The following ZFYVE16 variants were observed in gnomAD, a reference collection of about 807,000 sequenced individuals.
The protein encoded by ZFYVE16 is zinc finger FYVE-type containing 16.
In ZFYVE16, 89 loss-of-function variants were observed where a neutral mutation model predicts 138.1. The ratio of observed to expected loss-of-function variants is 0.64; its 90% confidence interval spans 0.54 to 0.77. ZFYVE16 has a LOEUF of 0.77. Among genes scored for constraint, ZFYVE16 ranks in the 30% least tolerant of loss-of-function variants. ZFYVE16 has a pLI of 0.00. For missense variants in ZFYVE16, 1,793 were observed against 1,786.7 expected (o/e 1.00, Z -0.06); for synonymous variants, 596 against 618.3 (o/e 0.96, Z 0.53).
intron 3 of ZFYVE16, among the ~76,000 whole-genome samples, chr5:80,434,519 C>T (rs908572741): frequency 6.6e-6 from 1 of 152,116 alleles, no homozygotes; most frequent in African/African-American, 2.4e-5. Flanking sequence ...TTCTGTCTCC[C>T]AGGCTGAAGT....
At chr5:80,414,520 A>G (rs984689105) in intron 1 of ZFYVE16, among the ~76,000 whole-genome samples, 7 of 152,070 alleles carry the variant, frequency 4.6e-5, no homozygotes, top group African/African-American at 1.2e-4. Flanking sequence ...ATGGTCAACC[A>G]TTTTTTTATT....
rs1750046973 is a variant in ZFYVE16, at chr5:80,437,175, T to C, written c.490T>C (p.Leu164=). 1 of 1,613,932 alleles carries C rather than the reference T, an allele frequency of 6.2e-7. No homozygotes were observed. Among genetic ancestry groups the C allele is most frequent in the South Asian group, 1.1e-5 (1 of 91,086 alleles). Residue 164 remains leucine (L), a synonymous_variant, in exon 4 of 19, where the codon TTG becomes CTG. Coordinates refer to ENST00000505560, the MANE Select transcript of ZFYVE16 (RefSeq NM_001284236.3). ...GTCTAATGCAGATTCCTTGATTGGA[T>C]TGGATTTATCTTCAGTGTCAGATAC... is the stretch of plus-strand genomic sequence containing the variant. ...FKSNADSLIG[L]DLSSVSDTPC... is the part of the protein sequence containing the mutation.
chr5:80,445,551 T>C lies in ZFYVE16; in HGVS notation c.2724+146T>C, dbSNP rs954852609. On this transcript the variant is annotated intron_variant, in intron 7 of 18. Transcript: ENST00000505560. Reference sequence around the variant, plus strand: ...GATGTATTGATATAGTGAATATATTTTAGATTTTACCCCCTTTAAAAAAAA... The same window carrying C: ...GATGTATTGATATAGTGAATATATTCTAGATTTTACCCCCTTTAAAAAAAA... 6.8e-6 allele frequency: 5 copies of C among 735,484 alleles called. No homozygotes were observed. The Middle Eastern group carries it at 1.2e-3, about 178-fold the overall frequency. The allele number at this position is 735,484 out of a possible 1,614,324, so 45.6% of individuals were successfully genotyped here. A position where few individuals can be genotyped will look rare whatever the true frequency, so the allele number is the denominator to read the frequency against.
chr5:80,471,187 G>A (rs951473418), intron 15 of ZFYVE16, among the ~76,000 whole-genome samples: 9 of 152,020 alleles, frequency 5.9e-5, no homozygotes, highest in South Asian at 2.1e-4. Flanking sequence ...ATCTTGCCAC[G>A]GCTCTTTTAG....
intron 13 of ZFYVE16, 150 bp downstream of exon 13, chr5:80,456,715 T>A: frequency 1.1e-6 from 1 of 882,240 alleles, no homozygotes; most frequent in Non-Finnish European, 1.7e-6. Flanking sequence ...TTGTTTACTG[T>A]AAATAATCTG....
chr5:80,421,381 C>T lies in ZFYVE16; in HGVS notation c.-93-6111C>T, dbSNP rs182716656. Among the ~76,000 whole-genome samples, 767 of 152,210 alleles carry T rather than the reference C, an allele frequency of 5.0e-3. 2 individuals carry two copies. The highest frequency in any genetic ancestry group is 0.018 in the African/African-American group (736 of 41,548). ...ATGAAGTCCTTGCCCATGCCTATGT[C>T]CTGAATGGTATTGCCTAGGTTTTCT... On this transcript the variant is annotated intron_variant, in intron 1 of 18. Transcript: ENST00000505560.
intron 5 of ZFYVE16, chr5:80,441,035 C>T: frequency 1.0e-6 from 1 of 985,236 alleles, no homozygotes. Context: ...TCCATGTTAC[C>T]ACCATTGTTT....
intron 2 of ZFYVE16, among the ~76,000 whole-genome samples, chr5:80,430,171 T>G (rs1053520443): frequency 6.6e-6 from 1 of 152,188 alleles, no homozygotes. Context: ...TATTCCAAAA[T>G]TGACCACATA....
Position 80,480,745 on chromosome 5 carries a change from A to C in ZFYVE16, c.*3368A>C, listed in dbSNP as rs1755236428. 6.6e-6 allele frequency among the ~76,000 whole-genome samples: 1 copy of C among 152,010 alleles called. No individual in the cohort carries two copies. Among genetic ancestry groups the C allele is most frequent in the Non-Finnish European group, 1.5e-5 (1 of 68,010 alleles). On this transcript the variant is annotated 3_prime_UTR_variant, in exon 19 of 19. Coordinates refer to ENST00000505560, the MANE Select transcript of ZFYVE16 (RefSeq NM_001284236.3). ...AGACCAGAGTGAGCAACACAGGGAG[A>C]CACTGTCTCTGCAAAATTAAAAAAA... is the stretch of plus-strand genomic sequence containing the variant.
intron 15 of ZFYVE16, among the ~76,000 whole-genome samples, chr5:80,465,400 G>GTTTTGTTTT (rs762431523): frequency 1.1e-4 from 3 of 26,780 alleles, no homozygotes; most frequent in African/African-American, 3.1e-4. Context: ...CCTTTTCTTT[G>GTTTTGTTTT]TTTTTTTTTT....
intron 7 of ZFYVE16, 142 bp from the exon 8 acceptor site, chr5:80,447,884 T>A (rs1044827759): frequency 3.0e-6 from 2 of 666,256 alleles, no homozygotes; most frequent in African/African-American, 3.7e-5. Flanking sequence ...CTTGGGAAAT[T>A]TGACTTTAAG....
At chr5:80,410,940 GC>G (rs1007089609) in intron 1 of ZFYVE16, among the ~76,000 whole-genome samples, 3 of 150,846 alleles carry the variant, frequency 2.0e-5, no homozygotes, top group Non-Finnish European at 4.4e-5. Context: ...AAGAGCACAT[GC>G]CTTTTTTTTT....
chr5:80,439,824 A>G (rs1161963039), intron 4 of ZFYVE16, 112 bp from the exon 5 acceptor site: 3 of 635,324 alleles, frequency 4.7e-6, no homozygotes, highest in Non-Finnish European at 7.5e-6. Context: ...AATGATTTAT[A>G]CAATAAGGAA....
At chr5:80,424,280 G>A (rs761762018) in intron 1 of ZFYVE16, among the ~76,000 whole-genome samples, 1 of 152,014 alleles carries the variant, frequency 6.6e-6, no homozygotes, top group Admixed American at 6.6e-5. Flanking sequence ...CAGCTCACAA[G>A]CCTTGCTTGA....
At position 80,427,746 on chromosome 5, in the gene ZFYVE16, G is replaced by A. The variant is rs556138199; in HGVS notation, c.-40+201G>A. On this transcript the variant is annotated intron_variant, in intron 2 of 18. Transcript: ENST00000505560. ...TCCCAGCACTTTGGGAGGCTGAGACGGGCAGAAGACTTGAGGTCATCGAGA... is the reference window on the plus strand; with the variant it reads ...TCCCAGCACTTTGGGAGGCTGAGACAGGCAGAAGACTTGAGGTCATCGAGA... Among the ~76,000 whole-genome samples, 3 of 150,684 alleles carry A rather than the reference G, an allele frequency of 2.0e-5. No individual in the cohort carries two copies. In the East Asian group the frequency reaches 5.9e-4, roughly 29 times the overall value.
chr5:80,471,037 T>G (rs1388014560), intron 15 of ZFYVE16, among the ~76,000 whole-genome samples: 1 of 152,164 alleles, frequency 6.6e-6, no homozygotes, highest in East Asian at 1.9e-4. Context: ...TCAGGGAGGT[T>G]TCACATCACC....
At chr5:80,464,437 C>T (rs1753467273) in intron 15 of ZFYVE16, among the ~76,000 whole-genome samples, 1 of 152,078 alleles carries the variant, frequency 6.6e-6, no homozygotes, top group South Asian at 2.1e-4. Flanking sequence ...GGAAACTGCC[C>T]CCATGATTCA....
intron 3 of ZFYVE16, chr5:80,435,812 T>G (rs1010235391): frequency 2.8e-6 from 1 of 362,750 alleles, no homozygotes; most frequent in Non-Finnish European, 5.6e-6. Context: ...TGATCTCAAG[T>G]TATCCTCCGA....
chr5:80,448,709 A>G (rs1462088376), intron 8 of ZFYVE16, among the ~76,000 whole-genome samples: 2 of 151,008 alleles, frequency 1.3e-5, no homozygotes, highest in Non-Finnish European at 3.0e-5. Context: ...TATTATTACT[A>G]TTTTTTTTTA....
Sources: allele counts gnomAD v4.1 joint callset (sites outside exome capture counted in the v4.1 genomes callset), GRCh38; gene constraint gnomAD v4.1.1; transcripts MANE v1.5; gene names NCBI Gene and HGNC (gene_info 2026-07-23, HGNC 2026-07-21).